Variants in TCAF1 observed in about 807,000 individuals in gnomAD.
TCAF1 encodes the protein TRPM8 channel-associated factor 1.
A neutral mutation model predicts 27.3 loss-of-function variants in TCAF1; 4 were observed. The ratio of observed to expected loss-of-function variants is 0.15; its 90% CI spans 0.07 to 0.34. The LOEUF (loss-of-function observed/expected upper bound fraction) is 0.34. Among genes scored for constraint, TCAF1 ranks in the 10% least tolerant of loss-of-function variants. The pLI is 1.00. For synonymous variants in TCAF1, 105 were observed against 167.1 expected (o/e 0.63, Z 2.87); for missense variants, 257 against 425.8 (o/e 0.60, Z 3.49).
intron 2 of TCAF1, among the ~76,000 whole-genome samples, chr7:143,866,287 TAA>T (rs1401304982): frequency 1.6e-4 from 8 of 50,396 alleles, no homozygotes; most frequent in African/African-American, 4.5e-4. Context: ...CAGGCTACTC[TAA>T]AAGATTATTG....
intron 1 of TCAF1, among the ~76,000 whole-genome samples, chr7:143,892,078 A>T (rs1451658280): frequency 6.6e-6 from 1 of 152,208 alleles, no homozygotes. Flanking sequence ...AGCATTTTCC[A>T]CTAGAATATA....
chr7:143,886,052 C>T (rs1813386513), intron 1 of TCAF1, among the ~76,000 whole-genome samples: 2 of 152,196 alleles, frequency 1.3e-5, no homozygotes, highest in African/African-American at 2.4e-5. Context: ...GAGTGGAACA[C>T]GAGACTTGAC....
chr7:143,888,262 AG>A (rs1813506144), intron 1 of TCAF1, among the ~76,000 whole-genome samples: 1 of 152,260 alleles, frequency 6.6e-6, no homozygotes, highest in Non-Finnish European at 1.5e-5. Context: ...ACAAACTAAA[AG>A]CAGGAAACAT....
chr7:143,876,536 C>G lies in TCAF1; in HGVS notation c.73G>C (p.Val25Leu). 1 of 1,552,608 alleles carries G rather than the reference C, an allele frequency of 6.4e-7. No individual in the cohort carries two copies. The highest frequency in any genetic ancestry group is 1.7e-4 in the Middle Eastern group (1 of 5,742). The change falls in exon 2 of 9, where the codon GTT (valine) becomes CTT (leucine). Residue 25 changes from valine (V) to leucine (L), a missense_variant. Physicochemically the swap from Val to Leu is conservative, Grantham distance 32 (BLOSUM62 1). Coordinates refer to ENST00000479870, the MANE Select transcript of TCAF1 (RefSeq NM_014719.3). ...VTSWDVPEDA[V>L]PCELLLIGEA... The stretch of plus-strand genomic sequence containing the variant: ...CCAATAAGAAGCAGTTCACATGGAA[C>G]AGCATCTTCGGGTACATCCCAGCTT...
chr7:143,895,190 T>C (rs1458815018), intron 1 of TCAF1, among the ~76,000 whole-genome samples: 2 of 151,868 alleles, frequency 1.3e-5, no homozygotes, highest in African/African-American at 4.8e-5. Context: ...ACCAGATGTA[T>C]GTTCATGAGA....
intron 6 of TCAF1, among the ~76,000 whole-genome samples, chr7:143,859,909 T>C (rs1811815289): frequency 2.4e-4 from 13 of 54,310 alleles, no homozygotes; most frequent in African/African-American, 7.9e-4. Flanking sequence ...ATATAATATA[T>C]ATTACGGAAT....
At chr7:143,880,193 T>C (rs1456817196) in intron 1 of TCAF1, among the ~76,000 whole-genome samples, 1 of 152,230 alleles carries the variant, frequency 6.6e-6, no homozygotes, top group Non-Finnish European at 1.5e-5. Context: ...TTCTGTAACT[T>C]ATTTAATGCT....
rs1811408474 is a variant in TCAF1 at position 143,853,125 on chromosome 7, CA to C, written c.*1007del. On this transcript the variant is annotated 3_prime_UTR_variant, in exon 9 of 9. Transcript: ENST00000479870. ...AGAGACAGGGTCTCACTCTGTCCCCCAGGCTGGAGTGCAGTGGCACCATCAT... is the reference window on the plus strand; with the variant it reads ...AGAGACAGGGTCTCACTCTGTCCCCCGGCTGGAGTGCAGTGGCACCATCAT... 6.6e-6 allele frequency: 1 copy of C among 152,110 alleles called. No individual in the cohort carries two copies. Among genetic ancestry groups the C allele is most frequent in the African/African-American group, 2.4e-5 (1 of 41,368 alleles). The allele number at this position is 152,110 out of a possible 1,614,324, so 9.4% of individuals were successfully genotyped here. A position where few individuals can be genotyped will look rare whatever the true frequency, so the allele number is the denominator to read the frequency against.
At chr7:143,897,941 C>T (rs988547716) in intron 1 of TCAF1, among the ~76,000 whole-genome samples, 10 of 151,926 alleles carry the variant, frequency 6.6e-5, no homozygotes, top group Admixed American at 4.6e-4. Flanking sequence ...TTAAATCACA[C>T]GTATAAATAT....
rs558696656 is a variant in TCAF1 at position 143,890,642 on chromosome 7, C to T, written c.-15+11319G>A. Among the ~76,000 whole-genome samples the T allele has an allele frequency of 2.0e-3, 306 of 152,270 alleles. 4 individuals carry two copies. The highest frequency in any genetic ancestry group is 6.6e-3 in the African/African-American group (276 of 41,562). On this transcript the variant is annotated intron_variant, in intron 1 of 8. Transcript: ENST00000479870. ...AAACACAGGACATGAGTTGTATATTCGCTATTGCTTTTTACTTTCGGGCAT... is the reference window on the plus strand; with the variant it reads ...AAACACAGGACATGAGTTGTATATTTGCTATTGCTTTTTACTTTCGGGCAT...
chr7:143,872,317 GA>G (rs1168543749), intron 2 of TCAF1, among the ~76,000 whole-genome samples: 1 of 151,556 alleles, frequency 6.6e-6, no homozygotes, highest in Admixed American at 6.6e-5. Context: ...TGTTTTGAGT[GA>G]GATAACTGTA....
intron 1 of TCAF1, among the ~76,000 whole-genome samples, chr7:143,877,580 G>A (rs1046526778): frequency 2.6e-5 from 4 of 152,226 alleles, no homozygotes; most frequent in African/African-American, 9.6e-5. Flanking sequence ...AAAGTGTGGA[G>A]GTGAATTCAC....
chr7:143,896,573 G>A (rs752549891), intron 1 of TCAF1, among the ~76,000 whole-genome samples: 7 of 151,928 alleles, frequency 4.6e-5, no homozygotes, highest in African/African-American at 7.3e-5. Context: ...TAGCTTCAGC[G>A]AATTTAAAAG....
At chr7:143,897,131 A>AAT (rs5888117) in intron 1 of TCAF1, among the ~76,000 whole-genome samples, 3,100 of 79,580 alleles carry the variant, frequency 0.039, 47 homozygotes, top group Non-Finnish European at 0.049. Context: ...GTTAATCTTG[A>AAT]ATATATATAT....
At chr7:143,868,396 T>C (rs1173205473) in intron 2 of TCAF1, among the ~76,000 whole-genome samples, 1 of 149,804 alleles carries the variant, frequency 6.7e-6, no homozygotes, top group Non-Finnish European at 1.5e-5. Context: ...AATTGAATTT[T>C]GTATCTTACA....
chr7:143,893,940 G>A (rs1813763493), intron 1 of TCAF1, among the ~76,000 whole-genome samples: 1 of 151,558 alleles, frequency 6.6e-6, no homozygotes. Context: ...AAAAAATTTA[G>A]AAATTCAGTA....
chr7:143,860,006 A>ATATTATGTAATATAT (rs1554485971), intron 6 of TCAF1, among the ~76,000 whole-genome samples: 1,207 of 27,286 alleles, frequency 0.044, 328 homozygotes, highest in Non-Finnish European at 0.074. Context: ...TATATAATAT[A>ATATTATGTAATATAT]TATATAATAT....
intron 1 of TCAF1, among the ~76,000 whole-genome samples, chr7:143,896,586 T>C (rs757419217): frequency 2.6e-5 from 4 of 152,088 alleles, no homozygotes; most frequent in Non-Finnish European, 4.4e-5. Flanking sequence ...TTTAAAAGAA[T>C]TGGCACTATG....
chr7:143,898,489 TTTGA>T (rs1331983531), intron 1 of TCAF1, among the ~76,000 whole-genome samples: 2 of 152,094 alleles, frequency 1.3e-5, no homozygotes, highest in African/African-American at 4.8e-5. Context: ...TTTTCTCAAG[TTTGA>T]TTGATATATA....
Sources: allele counts gnomAD v4.1 joint callset (sites outside exome capture counted in the v4.1 genomes callset), GRCh38; gene constraint gnomAD v4.1.1; transcripts MANE v1.5; gene names NCBI Gene and HGNC (gene_info 2026-07-23, HGNC 2026-07-21).